Variants in SYT16 observed in about 807,000 individuals in gnomAD.
The protein encoded by SYT16 is synaptotagmin-16.
A neutral mutation model predicts 61.4 loss-of-function variants in SYT16; 42 were observed. The observed-to-expected ratio is 0.68, with a 90% CI of 0.53 to 0.89. The LOEUF is 0.89. Ranked by LOEUF, SYT16 falls within the 40% of genes least tolerant of loss-of-function variation. The probability of loss-of-function intolerance (pLI) is 0.00; values close to 1 mark genes in which losing one functional copy is unlikely to be tolerated. For missense variants in SYT16, 804 were observed against 807.3 expected (o/e 1.00, Z 0.05); for synonymous variants, 314 against 302.3 (o/e 1.04, Z -0.40).
chr14:62,029,483 C>G (rs939503121), intron 3 of SYT16, among the ~76,000 whole-genome samples: 2 of 152,142 alleles, frequency 1.3e-5, no homozygotes, highest in African/African-American at 4.8e-5. Flanking sequence ...TGTGAAGACT[C>G]TTGATGAGTG....
At chr14:61,887,459 G>T (rs1373199661) in intron 1 of SYT16, among the ~76,000 whole-genome samples, 1 of 152,194 alleles carries the variant, frequency 6.6e-6, no homozygotes, top group Non-Finnish European at 1.5e-5. Flanking sequence ...AAGCCTTGAA[G>T]CCAGGCGTTG....
intron 1 of SYT16, among the ~76,000 whole-genome samples, chr14:61,952,618 ATATTT>A (rs1444467605): frequency 6.6e-6 from 1 of 152,212 alleles, no homozygotes; most frequent in Non-Finnish European, 1.5e-5. Flanking sequence ...TTCAACACAC[ATATTT>A]TATTATATTA....
intron 1 of SYT16, among the ~76,000 whole-genome samples, chr14:61,846,553 A>T (rs191060346): frequency 1.2e-4 from 18 of 152,216 alleles, no homozygotes; most frequent in African/African-American, 4.3e-4. Context: ...GTGCATCTTT[A>T]TAGATGAATA....
At position 62,100,552 on chromosome 14, in the gene SYT16, G is replaced by A. The variant is rs780876820; in HGVS notation, c.1783G>A (p.Val595Ile). ...QLSDVTLMISVYNRRTMKRKE... is the reference protein window; with the variant it reads ...QLSDVTLMISIYNRRTMKRKE... The stretch of plus-strand genomic sequence containing the variant: ...GTCTGATGTCACGTTGATGATTTCC[G>A]TTTATAACAGGCGTACTATGAAGCG... The change falls in exon 8 of 8, where the codon GTT (valine) becomes ATT (isoleucine). Residue 595 changes from valine (V) to isoleucine (I), a missense_variant. Coordinates refer to ENST00000683842, the MANE Select transcript of SYT16 (RefSeq NM_001367656.1). 24 of 1,613,624 alleles carry A rather than the reference G, an allele frequency of 1.5e-5. No individual in the cohort carries two copies. The highest frequency in any genetic ancestry group is 8.9e-5 in the East Asian group (4 of 44,880).
chr14:61,997,780 A>G (rs2052827803), intron 3 of SYT16, among the ~76,000 whole-genome samples: 1 of 152,036 alleles, frequency 6.6e-6, no homozygotes, highest in Non-Finnish European at 1.5e-5. Context: ...ACATTCTTGA[A>G]AAGGTTGAAC....
intron 3 of SYT16, among the ~76,000 whole-genome samples, chr14:62,005,766 A>G (rs1359159333): frequency 2.0e-5 from 3 of 152,202 alleles, no homozygotes; most frequent in Non-Finnish European, 4.4e-5. Flanking sequence ...CGTACAAAAC[A>G]TTGTGGGGAA....
intron 1 of SYT16, among the ~76,000 whole-genome samples, chr14:61,962,932 T>A (rs895833597): frequency 6.6e-6 from 1 of 152,186 alleles, no homozygotes; most frequent in Non-Finnish European, 1.5e-5. Context: ...TGTTTTCTTA[T>A]AGCTCACTGA....
At chr14:62,047,123 C>T (rs911118684) in intron 3 of SYT16, among the ~76,000 whole-genome samples, 5 of 151,010 alleles carry the variant, frequency 3.3e-5, no homozygotes, top group African/African-American at 1.2e-4. Flanking sequence ...TGTATTGTAT[C>T]TTGTATTGTA....
chr14:61,821,665 C>G (rs2045622998), intron 1 of SYT16, among the ~76,000 whole-genome samples: 1 of 152,236 alleles, frequency 6.6e-6, no homozygotes, highest in South Asian at 2.1e-4. Flanking sequence ...GGGAGAAAGT[C>G]TGCTAGTAAT....
intron 1 of SYT16, among the ~76,000 whole-genome samples, chr14:61,860,830 C>A (rs1032961897): frequency 6.6e-6 from 1 of 150,952 alleles, no homozygotes; most frequent in Non-Finnish European, 1.5e-5. Context: ...TTGATACAGG[C>A]AGTGTTGGAT....
chr14:62,041,545 C>T (rs544030440), intron 3 of SYT16, among the ~76,000 whole-genome samples: 2 of 152,220 alleles, frequency 1.3e-5, no homozygotes, highest in African/African-American at 4.8e-5. Context: ...CTTGCTCTGT[C>T]GCCTGGGCTG....
At chr14:61,964,990 T>C (rs754380771) in intron 1 of SYT16, among the ~76,000 whole-genome samples, 1 of 152,062 alleles carries the variant, frequency 6.6e-6, no homozygotes, top group Non-Finnish European at 1.5e-5. Flanking sequence ...GAAACTACAG[T>C]ATAGTGTAAA....
At chr14:61,894,550 C>T (rs930694002) in intron 1 of SYT16, among the ~76,000 whole-genome samples, 1 of 152,134 alleles carries the variant, frequency 6.6e-6, no homozygotes, top group Non-Finnish European at 1.5e-5. Flanking sequence ...AGAAGGTGAA[C>T]AGATGGTATA....
chr14:61,820,645 C>T (rs1019920875), intron 1 of SYT16, among the ~76,000 whole-genome samples: 7 of 151,874 alleles, frequency 4.6e-5, no homozygotes, highest in Non-Finnish European at 7.4e-5. Context: ...CCATGCCCAG[C>T]TAACTTTTGT....
intron 3 of SYT16, among the ~76,000 whole-genome samples, chr14:62,021,231 AT>A (rs1293256709): frequency 1.3e-5 from 2 of 152,148 alleles, no homozygotes; most frequent in Admixed American, 1.3e-4. Context: ...AATAAGTTTT[AT>A]TGCATTTTCT....
chr14:62,108,430 G>A lies in SYT16; in HGVS notation c.*7723G>A, dbSNP rs991508013. On this transcript the variant is annotated 3_prime_UTR_variant, in exon 8 of 8. Coordinates refer to ENST00000683842, the MANE Select transcript of SYT16 (RefSeq NM_001367656.1). Reference sequence around the variant, plus strand: ...GCCAGTAAAAACTCTGATTAAGTGAGGAACATGTACATTAAAAGATATTTT... The same window carrying A: ...GCCAGTAAAAACTCTGATTAAGTGAAGAACATGTACATTAAAAGATATTTT... The A allele has an allele frequency of 3.3e-5, 5 of 152,144 alleles. No homozygotes were observed. Among genetic ancestry groups the A allele is most frequent in the Non-Finnish European group, 7.4e-5 (5 of 68,014 alleles). 9.4% of individuals were successfully genotyped at this position (152,144 alleles called of 1,614,324 possible).
At chr14:61,840,288 C>T (rs190065812) in intron 1 of SYT16, among the ~76,000 whole-genome samples, 11 of 152,114 alleles carry the variant, frequency 7.2e-5, no homozygotes, top group East Asian at 1.9e-4. Flanking sequence ...ATTGGAAATA[C>T]GAGTCTAGAG....
At chr14:61,945,624 G>C (rs1355717417) in intron 1 of SYT16, among the ~76,000 whole-genome samples, 3 of 152,098 alleles carry the variant, frequency 2.0e-5, no homozygotes, top group Non-Finnish European at 2.9e-5. Context: ...GGGAGGCCGA[G>C]GCGGGCGGAT....
intron 3 of SYT16, among the ~76,000 whole-genome samples, chr14:62,047,647 C>G (rs2055054961): frequency 7.2e-6 from 1 of 138,688 alleles, no homozygotes; most frequent in Non-Finnish European, 1.5e-5. Flanking sequence ...GAGATATGTC[C>G]CATCAATAAC....
Sources: gnomAD v4.1 joint callset for allele counts (sites outside exome capture counted in the v4.1 genomes callset) on GRCh38, gnomAD v4.1.1 for gene constraint, MANE v1.5 for transcripts, NCBI Gene and HGNC (gene_info 2026-07-23, HGNC 2026-07-21) for gene names.